The following ACSM1 variants were observed in gnomAD, a reference collection of about 807,000 sequenced individuals.
ACSM1 encodes acyl-coenzyme A synthetase ACSM1, mitochondrial.
ACSM1 carries 79 observed loss-of-function variants against 75.8 expected under a neutral mutation model. That is an observed-to-expected ratio of 1.04 (90% CI 0.87 to 1.26). The LOEUF (loss-of-function observed/expected upper bound fraction) is 1.26, where lower values mean the gene tolerates loss of function less well. Among genes scored for constraint, ACSM1 ranks in the 50% most tolerant of loss-of-function variants. The pLI is 0.00. For synonymous variants in ACSM1, 279 were observed against 265.8 expected, an observed-to-expected ratio of 1.05 and a Z score of -0.48; for missense variants, 676 against 720.1, an observed-to-expected ratio of 0.94 and a Z score of 0.70.
chr16:20,672,471 A>AAT (rs1392857890), intron 4 of ACSM1, among the ~76,000 whole-genome samples: 703 of 64,436 alleles, frequency 0.011, 12 homozygotes, highest in Admixed American at 0.014. Flanking sequence ...AAAAAAAAAA[A>AAT]ATATATATAT....
chr16:20,644,252 T>G lies in ACSM1; in HGVS notation c.993-3668A>C, dbSNP rs548353468. 1.2e-4 allele frequency among the ~76,000 whole-genome samples: 18 copies of G among 152,242 alleles called. No homozygotes were observed. The South Asian group carries it at 2.9e-3, about 25-fold the overall frequency. On this transcript the variant is annotated intron_variant, in intron 7 of 13. Coordinates refer to ENST00000520010, the MANE Select transcript of ACSM1 (RefSeq NM_001318890.3). ...CAACTGCTTCGCTAGCAGAAGAAAG[T>G]AGAAAAATAACTTAGAAGAAACCTA...
intron 7 of ACSM1, among the ~76,000 whole-genome samples, chr16:20,656,347 C>A (rs186368947): frequency 1.7e-3 from 256 of 152,132 alleles, no homozygotes; most frequent in African/African-American, 6.0e-3. Flanking sequence ...ATTTACATAA[C>A]CTTGATAATC....
At chr16:20,679,351 T>C (rs1051402115) in intron 4 of ACSM1, 1 of 152,222 alleles carries the variant, frequency 6.6e-6, no homozygotes, top group Non-Finnish European at 1.5e-5. Flanking sequence ...AGTCTACACA[T>C]GGCTGAAGCT....
intron 7 of ACSM1, among the ~76,000 whole-genome samples, chr16:20,647,029 T>C (rs1596834637): frequency 6.6e-6 from 1 of 152,220 alleles, no homozygotes; most frequent in African/African-American, 2.4e-5. Context: ...GGACCCAAAC[T>C]GAAGGTTTGA....
At chr16:20,689,571 T>G (rs1246937493) in intron 2 of ACSM1, among the ~76,000 whole-genome samples, 1 of 152,188 alleles carries the variant, frequency 6.6e-6, no homozygotes, top group Non-Finnish European at 1.5e-5. Context: ...TTAAGCTACT[T>G]CTATGTGATT....
chr16:20,644,137 T>C (rs1009698435), intron 7 of ACSM1, among the ~76,000 whole-genome samples: 2 of 152,194 alleles, frequency 1.3e-5, no homozygotes, highest in African/African-American at 4.8e-5. Context: ...TGGCTTCAAC[T>C]CTCAAGACCA....
At chr16:20,684,361 T>C (rs943423371) in intron 3 of ACSM1, among the ~76,000 whole-genome samples, 14 of 152,116 alleles carry the variant, frequency 9.2e-5, no homozygotes, top group Non-Finnish European at 1.8e-4. Flanking sequence ...CAAGGAAAAA[T>C]TGTGCCTTTG....
Position 20,648,929 on chromosome 16 carries a change from C to G in ACSM1, c.993-8345G>C, listed in dbSNP as rs565212374. 5.3e-5 allele frequency among the ~76,000 whole-genome samples: 8 copies of G among 152,278 alleles called. No homozygotes were observed. The highest frequency in any genetic ancestry group is 1.9e-4 in the African/African-American group (8 of 41,556). ...GCTGTGTCACAGGCATGTCTTTAACCTTGGCAAAATAACCTCTAAATTGAT... is the reference window on the plus strand; with the variant it reads ...GCTGTGTCACAGGCATGTCTTTAACGTTGGCAAAATAACCTCTAAATTGAT... On this transcript the variant is annotated intron_variant, in intron 7 of 13. Coordinates refer to ENST00000520010, the MANE Select transcript of ACSM1 (RefSeq NM_001318890.3). The surrounding 1 kb of genome is among the most constrained non-coding windows in gnomAD (Gnocchi z 4.2).
At chr16:20,666,403 A>G (rs2019568291) in intron 6 of ACSM1, among the ~76,000 whole-genome samples, 1 of 152,176 alleles carries the variant, frequency 6.6e-6, no homozygotes, top group Non-Finnish European at 1.5e-5. Context: ...GAAATACCTA[A>G]GAATACATCT....
intron 10 of ACSM1, among the ~76,000 whole-genome samples, chr16:20,636,088 G>A (rs570049290): frequency 1.3e-5 from 2 of 152,274 alleles, no homozygotes; most frequent in South Asian, 2.1e-4. Context: ...CAGGACAGCC[G>A]CCAATGAAAG....
chr16:20,682,152 T>G (rs2079458652), intron 4 of ACSM1, 104 bp downstream of exon 4: 1 of 1,137,924 alleles, frequency 8.8e-7, no homozygotes, highest in African/African-American at 1.5e-5. Flanking sequence ...CTGGTGCACC[T>G]AAATAATAAA....
In ACSM1 at chr16:20,664,824, A is replaced by C. The variant is rs564973515; in HGVS notation, c.913-2951T>G. Among the ~76,000 whole-genome samples, 33 of 152,326 alleles carry C rather than the reference A, an allele frequency of 2.2e-4. No homozygotes were observed. The South Asian group carries it at 6.6e-3, about 31-fold the overall frequency. On this transcript the variant is annotated intron_variant, in intron 6 of 13. Coordinates refer to ENST00000520010, the MANE Select transcript of ACSM1 (RefSeq NM_001318890.3). ...GTACATTGTTAGACCACAGTGCAAG[A>C]AAAACAGAAATCAATGTCAACAAGA...
At chr16:20,651,126 C>T (rs1484157671) in intron 7 of ACSM1, among the ~76,000 whole-genome samples, 2 of 152,132 alleles carry the variant, frequency 1.3e-5, no homozygotes, top group Non-Finnish European at 2.9e-5. Context: ...TCTCTTCATA[C>T]CTTATGATGT....
intron 10 of ACSM1, among the ~76,000 whole-genome samples, chr16:20,628,224 C>G (rs1394731665): frequency 2.0e-5 from 3 of 152,078 alleles, no homozygotes; most frequent in African/African-American, 7.2e-5. Context: ...TACCATCTTG[C>G]AAAACCATAT....
chr16:20,685,281 G>C lies in ACSM1; in HGVS notation c.315C>G (p.Thr105=). Residue 105 remains threonine, a synonymous_variant, in exon 3 of 14, where the codon ACC becomes ACG. Coordinates refer to ENST00000520010, the MANE Select transcript of ACSM1 (RefSeq NM_001318890.3). The part of the protein sequence containing the change: ...TRRVANVFTQ[T]CGLQQGDHLA... ...GATGGTCTCCCTGTTGTAGGCCACA[G>C]GTCTGTGTGAAGACGTTGGCTACAC... 2 of 1,614,206 alleles carry C rather than the reference G, an allele frequency of 1.2e-6. No individual in the cohort carries two copies. Among genetic ancestry groups the C allele is most frequent in the Non-Finnish European group, 1.7e-6 (2 of 1,180,032 alleles).
intron 10 of ACSM1, among the ~76,000 whole-genome samples, chr16:20,629,987 A>C (rs986343541): frequency 7.5e-6 from 1 of 132,858 alleles, no homozygotes; most frequent in African/African-American, 3.2e-5. Flanking sequence ...GGAGACTCCA[A>C]CTCAAAAAAA....
chr16:20,663,683 G>A (rs2019410603), intron 6 of ACSM1, among the ~76,000 whole-genome samples: 1 of 152,152 alleles, frequency 6.6e-6, no homozygotes, highest in Non-Finnish European at 1.5e-5. Flanking sequence ...AAACAAGGAA[G>A]CACATCTATA....
chr16:20,660,839 T>C (rs2019258779), intron 7 of ACSM1, among the ~76,000 whole-genome samples: 1 of 152,174 alleles, frequency 6.6e-6, no homozygotes, highest in Non-Finnish European at 1.5e-5. Context: ...TTAAAATTAA[T>C]TCTCAAACAT....
chr16:20,629,701 G>A (rs2017216204), intron 10 of ACSM1, among the ~76,000 whole-genome samples: 1 of 152,166 alleles, frequency 6.6e-6, no homozygotes, highest in South Asian at 2.1e-4. Flanking sequence ...TAGATTTAAA[G>A]ACACGAATTC....
Sources: allele counts gnomAD v4.1 joint callset (sites outside exome capture counted in the v4.1 genomes callset), GRCh38; gene constraint gnomAD v4.1.1; non-coding constraint Gnocchi (gnomAD v3.1); transcripts MANE v1.5; gene names NCBI Gene and HGNC (gene_info 2026-07-23, HGNC 2026-07-21).